WDR59: variants seen among roughly 807,000 people sequenced by gnomAD.
WDR59 encodes GATOR2 complex protein WDR59.
In WDR59, 100 loss-of-function variants were observed where a neutral mutation model predicts 131.2. That is an observed-to-expected ratio of 0.76 (90% CI 0.65 to 0.90). WDR59 has a LOEUF of 0.90. Among genes scored for constraint, WDR59 ranks in the 40% least tolerant of loss-of-function variants. WDR59 has a pLI of 0.00. For missense variants in WDR59, 1,203 were observed against 1,262.2 expected (o/e 0.95, Z 0.71); for synonymous variants, 601 against 466.2 (o/e 1.29, Z -3.72).
intron 1 of WDR59, among the ~76,000 whole-genome samples, chr16:74,984,407 G>T (rs193255174): frequency 6.6e-6 from 1 of 152,286 alleles, no homozygotes; most frequent in East Asian, 1.9e-4. Flanking sequence ...CAGGGTAGGG[G>T]CTGCGGGATT....
Position 74,899,649 on chromosome 16 carries a change from G to A in WDR59, c.1866+4298C>T, listed in dbSNP as rs143915569. 2,468 of 1,270,090 alleles carry A rather than the reference G, an allele frequency of 1.9e-3. 31 individuals carry two copies. In the African/African-American group the frequency reaches 0.034, roughly 17 times the overall value. 78.7% of individuals were successfully genotyped at this position (1,270,090 alleles called of 1,614,324 possible). A position where few individuals can be genotyped will look rare whatever the true frequency, so the allele number is the denominator to read the frequency against. Reference sequence around the variant, plus strand: ...AGGTGGCATTTTATTCTTGGGCCTCGGGTAGAGACAGGATTAGTTAAGGAG... The same window carrying A: ...AGGTGGCATTTTATTCTTGGGCCTCAGGTAGAGACAGGATTAGTTAAGGAG... On this transcript the variant is annotated intron_variant, in intron 18 of 25. Coordinates refer to ENST00000262144, the MANE Select transcript of WDR59 (RefSeq NM_030581.4).
chr16:74,879,359 AAAAC>A (rs1964373939), intron 25 of WDR59, among the ~76,000 whole-genome samples: 1 of 152,172 alleles, frequency 6.6e-6, no homozygotes, highest in African/African-American at 2.4e-5. Flanking sequence ...CCTGTCTCAA[AAAAC>A]AAACAAACAA....
chr16:74,912,047 G>A, intron 14 of WDR59, 151 bp downstream of exon 14: 1 of 1,014,772 alleles, frequency 9.9e-7, no homozygotes, highest in Non-Finnish European at 1.4e-6. Context: ...CAAAGTAAAT[G>A]GCAAGTTCAG....
At chr16:74,921,189 AC>A (rs2030186485) in intron 10 of WDR59, among the ~76,000 whole-genome samples, 1 of 152,168 alleles carries the variant, frequency 6.6e-6, no homozygotes, top group Admixed American at 6.5e-5. Context: ...TTATTTCATC[AC>A]CCAGGTACTA....
At chr16:74,897,882 G>C (rs1487723343) in intron 18 of WDR59, among the ~76,000 whole-genome samples, 2 of 152,190 alleles carry the variant, frequency 1.3e-5, no homozygotes, top group African/African-American at 4.8e-5. Flanking sequence ...GGGTCACTTG[G>C]TAATCCTGCC....
chr16:74,942,895 A>G, intron 6 of WDR59, 69 bp from the exon 7 acceptor site: 1 of 1,423,300 alleles, frequency 7.0e-7, no homozygotes, highest in Non-Finnish European at 9.8e-7. Flanking sequence ...GAGCACAGCC[A>G]GGGGAGCTGG....
intron 8 of WDR59, among the ~76,000 whole-genome samples, chr16:74,928,328 C>T (rs1457789622): frequency 6.6e-6 from 1 of 151,632 alleles, no homozygotes; most frequent in Non-Finnish European, 1.5e-5. Flanking sequence ...ATCTTCCTGC[C>T]TCAGCAGCCT....
intron 8 of WDR59, 105 bp downstream of exon 8, chr16:74,938,045 T>A: frequency 4.0e-6 from 3 of 745,690 alleles, no homozygotes; most frequent in Non-Finnish European, 6.1e-6. Flanking sequence ...CACCGTGAAA[T>A]ACATACTGTG....
At position 74,977,232 on chromosome 16, in the gene WDR59, C is replaced by T. The variant is rs537586775; in HGVS notation, c.54+7732G>A. 3.4e-4 allele frequency among the ~76,000 whole-genome samples: 51 copies of T among 150,164 alleles called. 1 individual carries two copies. The highest frequency in any genetic ancestry group is 1.1e-3 in the African/African-American group (43 of 40,842). On this transcript the variant is annotated intron_variant, in intron 1 of 25. Coordinates refer to ENST00000262144, the MANE Select transcript of WDR59 (RefSeq NM_030581.4). ...ACTCCAGCCACAGTAACAGCGAGAT[C>T]GCATCTCAAAAAAAAAATTTTAATT...
chr16:74,877,237 AAC>A (rs149888165), intron 25 of WDR59, among the ~76,000 whole-genome samples: 8 of 151,516 alleles, frequency 5.3e-5, no homozygotes, highest in Non-Finnish European at 7.4e-5. Flanking sequence ...TATATCTCAA[AAC>A]ACACACACAC....
chr16:74,970,250 A>G (rs2033926839), intron 1 of WDR59, among the ~76,000 whole-genome samples: 1 of 151,974 alleles, frequency 6.6e-6, no homozygotes, highest in African/African-American at 2.4e-5. Flanking sequence ...ATTGGTCTAT[A>G]TGTCTAGTTT....
At chr16:74,949,696 T>G in intron 5 of WDR59, 22 bp downstream of exon 5, 1 of 1,610,464 alleles carries the variant, frequency 6.2e-7, no homozygotes, top group Non-Finnish European at 8.5e-7. Context: ...ACCAAGTGGT[T>G]ATGCCTCCTA....
intron 8 of WDR59, among the ~76,000 whole-genome samples, chr16:74,928,193 A>T (rs975533557): frequency 2.1e-5 from 3 of 141,084 alleles, no homozygotes; most frequent in Middle Eastern, 3.7e-3. Flanking sequence ...GGTGTGAGCC[A>T]CTGCATCCAG....
At chr16:74,899,527 G>A (rs1378855246) in intron 18 of WDR59, among the ~76,000 whole-genome samples, 3 of 152,190 alleles carry the variant, frequency 2.0e-5, no homozygotes, top group African/African-American at 7.2e-5. Context: ...TGGACAAGGA[G>A]GCAGCCCTTG....
At chr16:74,909,437 G>C in intron 16 of WDR59, 64 bp downstream of exon 16, 1 of 1,479,334 alleles carries the variant, frequency 6.8e-7, no homozygotes, top group Non-Finnish European at 9.0e-7. Flanking sequence ...TGTTTATACA[G>C]AATCTATGAC....
rs769090320 is a variant in WDR59, at chr16:74,908,971, A to G, written c.1649T>C (p.Leu550Pro). Residue 550 changes from leucine to proline, a missense_variant, in exon 17 of 26, where the codon CTG becomes CCG. Physicochemically the swap from Leu to Pro is moderately conservative, Grantham distance 98. Coordinates refer to ENST00000262144, the MANE Select transcript of WDR59 (RefSeq NM_030581.4). Reference protein sequence around the residue: ...SGARFCGAGYLVYFTRPMTMH... With the variant: ...SGARFCGAGYPVYFTRPMTMH... Reference sequence around the variant, plus strand: ...TGTCATGGGCCTTGTGAAATATACCAGGTAACCTAAAGGAGGAGACATCAC... The same window carrying G: ...TGTCATGGGCCTTGTGAAATATACCGGGTAACCTAAAGGAGGAGACATCAC... 6.2e-7 allele frequency: 1 copy of G among 1,613,618 alleles called. No homozygotes were observed. Among genetic ancestry groups the G allele is most frequent in the Non-Finnish European group, 8.5e-7 (1 of 1,179,870 alleles).
intron 3 of WDR59, among the ~76,000 whole-genome samples, chr16:74,953,733 G>A (rs1264058006): frequency 6.6e-6 from 1 of 151,872 alleles, no homozygotes; most frequent in Non-Finnish European, 1.5e-5. Context: ...CGGGCGTGGT[G>A]TCTCATGCCT....
At position 74,935,136 on chromosome 16, in the gene WDR59, A is replaced by G. The variant is rs11865961; in HGVS notation, c.651+3014T>C. Among the ~76,000 whole-genome samples the G allele has an allele frequency of 4.8e-3, 735 of 152,216 alleles. 3 individuals carry two copies. The highest frequency in any genetic ancestry group is 0.017 in the African/African-American group (714 of 41,534). On this transcript the variant is annotated intron_variant, in intron 8 of 25. Coordinates refer to ENST00000262144, the MANE Select transcript of WDR59 (RefSeq NM_030581.4). ...CCCAGCTACTGAGGGAGGCTGAGAC[A>G]TGAGAATTGCTTGAACCTGGGAGGC...
intron 25 of WDR59, among the ~76,000 whole-genome samples, chr16:74,880,546 G>T (rs1342852608): frequency 6.6e-6 from 1 of 152,182 alleles, no homozygotes; most frequent in Non-Finnish European, 1.5e-5. Context: ...AAGCCCACAA[G>T]TCCTCCCAGG....
Sources: allele counts gnomAD v4.1 joint callset (sites outside exome capture counted in the v4.1 genomes callset), GRCh38; gene constraint gnomAD v4.1.1; transcripts MANE v1.5; gene names NCBI Gene and HGNC (gene_info 2026-07-23, HGNC 2026-07-21).